The following PAQR7 variants were observed in gnomAD, a reference collection of about 807,000 sequenced individuals.
The protein encoded by PAQR7 is progestin and adipoQ receptor family member 7.
Under a neutral mutation model 24.6 loss-of-function variants are expected in PAQR7, and 14 were observed. The ratio of observed to expected loss-of-function variants is 0.57; its 90% confidence interval spans 0.38 to 0.89. PAQR7 has a LOEUF of 0.89. Among genes scored for constraint, PAQR7 ranks in the 40% least tolerant of loss-of-function variants. The pLI, the probability that PAQR7 is intolerant of heterozygous loss-of-function variation, is 0.00. For synonymous variants in PAQR7, 189 were observed against 198.8 expected, an observed-to-expected ratio of 0.95 and a Z score of 0.42; for missense variants, 351 against 444.0, an observed-to-expected ratio of 0.79 and a Z score of 1.88.
intron 1 of PAQR7, among the ~76,000 whole-genome samples, chr1:25,874,316 A>G (rs1039148785): frequency 2.0e-5 from 3 of 152,034 alleles, no homozygotes; most frequent in African/African-American, 7.2e-5. Flanking sequence ...AAGCGCTGGG[A>G]TTATAAGTGT....
intron 1 of PAQR7, among the ~76,000 whole-genome samples, chr1:25,874,140 C>T (rs549072321): frequency 6.6e-6 from 1 of 151,588 alleles, no homozygotes; most frequent in African/African-American, 2.4e-5. Flanking sequence ...GCCTCGGCCT[C>T]CCAAAGTACT....
intron 2 of PAQR7, among the ~76,000 whole-genome samples, chr1:25,869,826 G>C (rs1406143417): frequency 6.6e-6 from 1 of 152,156 alleles, no homozygotes; most frequent in Non-Finnish European, 1.5e-5. Context: ...CTGGCTACCT[G>C]CTTGCACCTG....
chr1:25,863,905 C>A lies in PAQR7; in HGVS notation c.-22-44G>T. ...CAAAGTCAGGGGCCTGGTGTCCTCACCCCCACGAGCAGCAGCTGGGGGGCT... is the reference window on the plus strand; with the variant it reads ...CAAAGTCAGGGGCCTGGTGTCCTCAACCCCACGAGCAGCAGCTGGGGGGCT... On this transcript the variant is annotated intron_variant, in intron 2 of 2. Transcript: ENST00000675840. This position sits in a 1 kb window ranked among gnomAD's most constrained non-coding sequence, Gnocchi z 6.1. 6.2e-6 allele frequency: 9 copies of A among 1,462,668 alleles called. No individual in the cohort carries two copies. Among genetic ancestry groups the A allele is most frequent in the Non-Finnish European group, 7.3e-6 (8 of 1,088,692 alleles). The allele number at this position is 1,462,668 out of a possible 1,614,324, so 90.6% of individuals were successfully genotyped here. A position where few individuals can be genotyped will look rare whatever the true frequency, so the allele number is the denominator to read the frequency against.
rs747710601 is a variant in PAQR7 at position 25,863,515 on chromosome 1, T to C, written c.325A>G (p.Ile109Val). ...WGDPHALPLFIIVLASFTYLS... is the reference protein window; with the variant it reads ...WGDPHALPLFVIVLASFTYLS... ...TAGGTGAAAGAGGCAAGGACAATGA[T>C]GAAGAGGGGCAGGGCGTGTGGGTCT... Residue 109 changes from isoleucine to valine, a missense_variant, in exon 3 of 3, where the codon ATC (isoleucine) becomes GTC (valine). Coordinates refer to ENST00000675840, the MANE Select transcript of PAQR7 (RefSeq NM_178422.6). The surrounding 1 kb of genome is among the most constrained non-coding windows in gnomAD (Gnocchi z 6.1). The C allele has an allele frequency of 1.2e-5, 19 of 1,613,872 alleles. No individual in the cohort carries two copies. Among genetic ancestry groups the C allele is most frequent in the Admixed American group, 8.3e-5 (5 of 59,986 alleles).
At chr1:25,867,494 C>G (rs965924827) in intron 2 of PAQR7, among the ~76,000 whole-genome samples, 2 of 152,310 alleles carry the variant, frequency 1.3e-5, no homozygotes, top group South Asian at 2.1e-4. Context: ...ACCTGCCAGA[C>G]AATCCCTCCC....
At position 25,862,902 on chromosome 1, in the gene PAQR7, T is replaced by G; in HGVS notation, c.938A>C (p.His313Pro). ...IYEPLHTHWP[H>P]NFSGLFLLTV... ...GAGCAGGAAGAGGCCAGAAAAGTTGTGAGGCCAGTGCGTGTGCAGAGGCTC... is the reference window on the plus strand; with the variant it reads ...GAGCAGGAAGAGGCCAGAAAAGTTGGGAGGCCAGTGCGTGTGCAGAGGCTC... Residue 313 changes from histidine to proline, a missense_variant, in exon 3 of 3, where the codon CAC becomes CCC. Transcript: ENST00000675840. 6.2e-7 allele frequency: 1 copy of G among 1,613,908 alleles called. No homozygotes were observed. Among genetic ancestry groups the G allele is most frequent in the South Asian group, 1.1e-5 (1 of 91,062 alleles).
chr1:25,866,499 G>C (rs2048557975), intron 2 of PAQR7, among the ~76,000 whole-genome samples: 1 of 152,184 alleles, frequency 6.6e-6, no homozygotes, highest in African/African-American at 2.4e-5. Context: ...CTGCCCTCAG[G>C]AATGTCATGA....
intron 2 of PAQR7, among the ~76,000 whole-genome samples, chr1:25,870,155 A>T (rs1051008620): frequency 6.6e-6 from 1 of 152,182 alleles, no homozygotes; most frequent in African/African-American, 2.4e-5. Flanking sequence ...GGGCACCATC[A>T]GGGCATCCTC....
chr1:25,864,813 A>C (rs1185271280), intron 2 of PAQR7, among the ~76,000 whole-genome samples: 1 of 150,774 alleles, frequency 6.6e-6, no homozygotes, highest in Non-Finnish European at 1.5e-5. Flanking sequence ...TCACACTACT[A>C]CTCTCAAGCT....
intron 2 of PAQR7, among the ~76,000 whole-genome samples, chr1:25,869,154 T>C (rs2048582738): frequency 6.6e-6 from 1 of 151,876 alleles, no homozygotes; most frequent in Non-Finnish European, 1.5e-5. Context: ...CCAGTTTAAA[T>C]GTAGAAAGTG....
chr1:25,871,385 C>CA (rs1178804402), intron 1 of PAQR7: 1 of 152,220 alleles, frequency 6.6e-6, no homozygotes, highest in Non-Finnish European at 1.5e-5. Flanking sequence ...GAGGGTGAAC[C>CA]AAATTAGCAG....
chr1:25,865,998 A>G (rs2048554369), intron 2 of PAQR7, among the ~76,000 whole-genome samples: 1 of 151,774 alleles, frequency 6.6e-6, no homozygotes, highest in Non-Finnish European at 1.5e-5. Context: ...AAAAAAAAAA[A>G]AAAGAAAAAG....
Position 25,861,501 on chromosome 1 carries a change from CT to C in PAQR7, c.*1297del, listed in dbSNP as rs2048510010. Reference sequence around the variant, plus strand: ...CAAAGAGGTGGCTACTGTCACAGTACTTTATTGCATCCAGGCCATAATCCAG... The same window carrying C: ...CAAAGAGGTGGCTACTGTCACAGTACTTATTGCATCCAGGCCATAATCCAG... On this transcript the variant is annotated 3_prime_UTR_variant, in exon 3 of 3. Coordinates refer to ENST00000675840, the MANE Select transcript of PAQR7 (RefSeq NM_178422.6). 6.6e-6 allele frequency: 1 copy of C among 152,198 alleles called. No homozygotes were observed. The highest frequency in any genetic ancestry group is 1.5e-5 in the Non-Finnish European group (1 of 68,084). 9.4% of individuals were successfully genotyped at this position (152,198 alleles called of 1,614,324 possible). A position where few individuals can be genotyped will look rare whatever the true frequency, so the allele number is the denominator to read the frequency against.
intron 2 of PAQR7, among the ~76,000 whole-genome samples, chr1:25,868,088 A>G (rs1465252813): frequency 2.0e-5 from 3 of 152,110 alleles, no homozygotes; most frequent in Non-Finnish European, 1.5e-5. Flanking sequence ...GATGGTTTCA[A>G]CCTCAACAAT....
chr1:25,867,497 T>C (rs1202879714), intron 2 of PAQR7, among the ~76,000 whole-genome samples: 1 of 152,166 alleles, frequency 6.6e-6, no homozygotes, highest in Non-Finnish European at 1.5e-5. Flanking sequence ...TGCCAGACAA[T>C]CCCTCCCTGC....
intron 2 of PAQR7, among the ~76,000 whole-genome samples, chr1:25,868,791 G>A (rs560753937): frequency 6.7e-6 from 1 of 148,496 alleles, no homozygotes; most frequent in East Asian, 2.1e-4. Context: ...CATTTGCCAA[G>A]CTTATGTGAC....
chr1:25,870,818 C>T (rs1367248668), intron 1 of PAQR7, 124 bp from the exon 2 acceptor site: 2 of 152,240 alleles, frequency 1.3e-5, no homozygotes, highest in Admixed American at 1.3e-4. Flanking sequence ...GATTGCATAA[C>T]ATGCTAGCTA....
intron 2 of PAQR7, among the ~76,000 whole-genome samples, chr1:25,866,501 A>G (rs940236363): frequency 1.3e-5 from 2 of 152,216 alleles, no homozygotes; most frequent in African/African-American, 4.8e-5. Flanking sequence ...GCCCTCAGGA[A>G]TGTCATGATC....
Position 25,863,245 on chromosome 1 carries a change from C to T in PAQR7, c.595G>A (p.Gly199Ser), listed in dbSNP as rs1466807897. ...SCYNKYIQKP[G>S]LLGRTCQEVP... Reference sequence around the variant, plus strand: ...TCCTGGCATGTGCGGCCCAGCAGGCCTGGTTTCTGGATGTACTTGTTATAG... The same window carrying T: ...TCCTGGCATGTGCGGCCCAGCAGGCTTGGTTTCTGGATGTACTTGTTATAG... Residue 199 changes from glycine (G) to serine (S), a missense_variant, in exon 3 of 3, where the codon GGC (glycine) becomes AGC (serine). Coordinates refer to ENST00000675840, the MANE Select transcript of PAQR7 (RefSeq NM_178422.6). This position sits in a 1 kb window ranked among gnomAD's most constrained non-coding sequence, Gnocchi z 6.1. The T allele has an allele frequency of 2.5e-6, 4 of 1,614,238 alleles. No individual in the cohort carries two copies. The highest frequency in any genetic ancestry group is 3.4e-6 in the Non-Finnish European group (4 of 1,180,036).
Sources: allele counts gnomAD v4.1 joint callset (sites outside exome capture counted in the v4.1 genomes callset), GRCh38; gene constraint gnomAD v4.1.1; non-coding constraint Gnocchi (gnomAD v3.1); transcripts MANE v1.5; gene names NCBI Gene and HGNC (gene_info 2026-07-23, HGNC 2026-07-21).